TMEM217: variants seen among roughly 807,000 people sequenced by gnomAD.
TMEM217 encodes chromosome 6 open reading frame 128.
For missense variants in TMEM217, 204 were observed against 248.8 expected (o/e 0.82, Z 1.21); for synonymous variants, 76 against 88.3 (o/e 0.86, Z 0.78).
At chr6:37,215,560 G>T (rs2113800378), downstream of TMEM217, among the ~76,000 whole-genome samples, 1 of 107,086 alleles carries the variant, frequency 9.3e-6, no homozygotes, top group African/African-American at 4.2e-5. Flanking sequence ...TGCAGAGCGA[G>T]ACTCTGTCTC....
At chr6:37,234,438 A>T (rs575785906) in intron 1 of TMEM217, among the ~76,000 whole-genome samples, 8 of 152,272 alleles carry the variant, frequency 5.3e-5, no homozygotes, top group Admixed American at 3.9e-4. Flanking sequence ...TTTTCAACTT[A>T]TGGGTTTATT....
intron 1 of TMEM217, among the ~76,000 whole-genome samples, chr6:37,251,494 T>C (rs1554179859): frequency 3.3e-5 from 5 of 152,246 alleles, no homozygotes; most frequent in Non-Finnish European, 7.3e-5. Context: ...GAACGATATA[T>C]TGCAGTTAAG....
chr6:37,253,754 T>C (rs1246438543), intron 1 of TMEM217, among the ~76,000 whole-genome samples: 2 of 152,200 alleles, frequency 1.3e-5, no homozygotes, highest in Non-Finnish European at 2.9e-5. Flanking sequence ...GGCTTTTTTC[T>C]CTATTTTTAT....
At chr6:37,241,434 G>A (rs1461609184) in intron 1 of TMEM217, among the ~76,000 whole-genome samples, 1 of 152,118 alleles carries the variant, frequency 6.6e-6, no homozygotes, top group African/African-American at 2.4e-5. Flanking sequence ...ACCTGGAGAG[G>A]GGACTGGACC....
At chr6:37,234,918 A>G (rs1764411588) in intron 1 of TMEM217, among the ~76,000 whole-genome samples, 1 of 152,188 alleles carries the variant, frequency 6.6e-6, no homozygotes, top group Non-Finnish European at 1.5e-5. Flanking sequence ...TTACACACCC[A>G]TGCACAATTT....
chr6:37,213,623 G>A (rs1763022845), downstream of TMEM217, among the ~76,000 whole-genome samples: 1 of 152,240 alleles, frequency 6.6e-6, no homozygotes, highest in Non-Finnish European at 1.5e-5. Flanking sequence ...TGCAGGTGAA[G>A]GCCCAGCAGG....
At chr6:37,222,485 G>C (rs1371702526) in intron 1 of TMEM217, among the ~76,000 whole-genome samples, 2 of 152,176 alleles carry the variant, frequency 1.3e-5, no homozygotes, top group Non-Finnish European at 2.9e-5. Flanking sequence ...AGAGACGCCC[G>C]GGTCCTGCAC....
chr6:37,257,740 C>T, exon 1 of TMEM217: 1 of 640,374 alleles, frequency 1.6e-6, no homozygotes, highest in Non-Finnish European at 2.6e-6. Flanking sequence ...CGCAGCTCAC[C>T]AATGGCAGCG....
downstream of TMEM217, among the ~76,000 whole-genome samples, chr6:37,217,024 T>C (rs968098630): frequency 2.0e-5 from 3 of 152,134 alleles, no homozygotes; most frequent in Non-Finnish European, 4.4e-5. Context: ...CAGCAGTGGG[T>C]GACTCACACC....
At chr6:37,237,216 C>A (rs1273694030) in intron 1 of TMEM217, among the ~76,000 whole-genome samples, 4 of 152,200 alleles carry the variant, frequency 2.6e-5, no homozygotes, top group Admixed American at 1.3e-4. Context: ...TTCTGAGTAT[C>A]TGAGTGTTCA....
At chr6:37,250,767 G>A (rs569421666) in intron 1 of TMEM217, among the ~76,000 whole-genome samples, 13 of 152,336 alleles carry the variant, frequency 8.5e-5, no homozygotes, top group South Asian at 4.1e-4. Context: ...GCTAAACAAT[G>A]CCCATATTAC....
At chr6:37,255,685 A>G (rs1272492813) in intron 1 of TMEM217, among the ~76,000 whole-genome samples, 3 of 147,082 alleles carry the variant, frequency 2.0e-5, no homozygotes, top group Non-Finnish European at 4.5e-5. Context: ...CCTGGTCTCA[A>G]AAAAAAAAAA....
intron 1 of TMEM217, among the ~76,000 whole-genome samples, chr6:37,237,850 T>C (rs1764576428): frequency 6.6e-6 from 1 of 152,156 alleles, no homozygotes; most frequent in South Asian, 2.1e-4. Flanking sequence ...TAGGACTTTA[T>C]ATAGATGCAA....
chr6:37,225,901 T>C lies in TMEM217; in HGVS notation c.-11-6860A>G, dbSNP rs149633903. 4.5e-3 allele frequency among the ~76,000 whole-genome samples: 680 copies of C among 152,320 alleles called. 4 individuals are homozygous for C. The highest frequency in any genetic ancestry group is 0.015 in the African/African-American group (628 of 41,570). The stretch of plus-strand genomic sequence containing the variant: ...TCTCCCTTTCCCCCTTCCTGTTTTT[T>C]AGCCATGATTGGAACTGATCTATGA... On this transcript the variant is annotated intron_variant, in intron 1 of 1. Coordinates refer to ENST00000357219, the Ensembl canonical transcript of TMEM217.
At chr6:37,239,270 C>T (rs189618454) in intron 1 of TMEM217, among the ~76,000 whole-genome samples, 1 of 152,318 alleles carries the variant, frequency 6.6e-6, no homozygotes, top group East Asian at 1.9e-4. Flanking sequence ...GGGCATATCA[C>T]TTGAGCCCAG....
rs748151389 is a variant in TMEM217 at position 37,218,697 on chromosome 6, G to A, written c.334C>T (p.Gln112Ter). The A allele has an allele frequency of 6.2e-7, 1 of 1,613,974 alleles. No homozygotes were observed. The highest frequency in any genetic ancestry group is 1.7e-5 in the Admixed American group (1 of 59,980). ...TCAAAGTCATTGTTGGTGAGGATTT[G>A]TATTACGACGTTTGCAGTTTCATAG... The change falls in exon 2 of 2, where the codon CAA (glutamine) becomes TAA (stop). Residue 112 changes from glutamine (Q) to a stop codon, truncating the protein, a stop_gained. Coordinates refer to ENST00000357219, the Ensembl canonical transcript of TMEM217. LOFTEE classifies it low-confidence loss of function (END_TRUNC).
At chr6:37,241,248 A>AT (rs76279831) in intron 1 of TMEM217, among the ~76,000 whole-genome samples, 80 of 145,312 alleles carry the variant, frequency 5.5e-4, no homozygotes, top group South Asian at 1.7e-3. Context: ...TACCTGGTTA[A>AT]TTTTTTTTTT....
downstream of TMEM217, among the ~76,000 whole-genome samples, chr6:37,215,994 G>GGTGTGTGTGT (rs60725183): frequency 6.7e-5 from 10 of 149,082 alleles, no homozygotes; most frequent in South Asian, 4.2e-4. Context: ...GGTTCTTCAG[G>GGTGTGTGTGT]GTGTGTGTGT....
chr6:37,247,303 T>C (rs1765143901), intron 1 of TMEM217, among the ~76,000 whole-genome samples: 2 of 152,092 alleles, frequency 1.3e-5, no homozygotes, highest in Non-Finnish European at 2.9e-5. Flanking sequence ...AAGTAGTTTA[T>C]TTGGAGGTGA....
Sources: gnomAD v4.1 joint callset for allele counts (sites outside exome capture counted in the v4.1 genomes callset) on GRCh38, gnomAD v4.1.1 for gene constraint, MANE v1.5 for transcripts, NCBI Gene and HGNC (gene_info 2026-07-23, HGNC 2026-07-21) for gene names.